The following MSH6 variants were observed in gnomAD, a reference collection of about 807,000 sequenced individuals.
The protein encoded by MSH6 is mutS homolog 6, also known as DNA mismatch repair protein Msh6.
In MSH6, 85 loss-of-function variants were observed where a neutral mutation model predicts 119.1. The ratio of observed to expected loss-of-function variants is 0.71; its 90% CI spans 0.60 to 0.85. MSH6 has a LOEUF of 0.85. MSH6 is among the 40% of genes least tolerant of loss of function. The probability of loss-of-function intolerance (pLI) is 0.00; values close to 1 mark genes in which losing one functional copy is unlikely to be tolerated. For missense variants in MSH6, 2,163 were observed against 1,655.3 expected (o/e 1.31, Z -5.32); for synonymous variants, 830 against 586.9 (o/e 1.41, Z -5.99).
rs763702846 is a variant in MSH6, at chr2:47,783,420, T to C, written c.187T>C (p.Ser63Pro). The part of the protein sequence containing the change: ...AGPGPRPLAR[S>P]ASPPKAKNLN... ...GCCTGGGCCCAGGCCCTTGGCGCGCTCCGCGTCACCGCCCAAGGCGAAGAA... is the reference window on the plus strand; with the variant it reads ...GCCTGGGCCCAGGCCCTTGGCGCGCCCCGCGTCACCGCCCAAGGCGAAGAA... Residue 63 changes from serine (S) to proline (P), a missense_variant, in exon 1 of 10, where the codon TCC (serine) becomes CCC (proline). Ser to Pro is a moderately conservative substitution (Grantham distance 74). Transcript: ENST00000234420. 52 of 1,510,744 alleles carry C rather than the reference T, an allele frequency of 3.4e-5. No individual in the cohort carries two copies. The African/African-American group carries it at 7.2e-4, about 21-fold the overall frequency. The allele number at this position is 1,510,744 out of a possible 1,614,324, so 93.6% of individuals were successfully genotyped here. A position where few individuals can be genotyped will look rare whatever the true frequency, so the allele number is the denominator to read the frequency against.
At chr2:47,796,129 G>C (rs1669075999) in intron 3 of MSH6, 66 bp downstream of exon 3, 1 of 1,516,870 alleles carries the variant, frequency 6.6e-7, no homozygotes, top group Non-Finnish European at 9.1e-7. Flanking sequence ...GGGGGAGGGT[G>C]TATTAACAAG....
chr2:47,783,469 C>T lies in MSH6; in HGVS notation c.236C>T (p.Ser79Leu), dbSNP rs1428717797. Residue 79 changes from serine to leucine, a missense_variant, in exon 1 of 10, where the codon TCG (serine) becomes TTG (leucine). Ser to Leu is a moderately radical substitution (Grantham distance 145, BLOSUM62 -2). Transcript: ENST00000234420. Reference sequence around the variant, plus strand: ...AACCTCAACGGAGGGCTGCGGAGATCGGTAGCGCCTGCTGCCCCCACCAGG... The same window carrying T: ...AACCTCAACGGAGGGCTGCGGAGATTGGTAGCGCCTGCTGCCCCCACCAGG... ...AKNLNGGLRR[S>L]VAPAAPTSCD... 1.4e-6 allele frequency: 2 copies of T among 1,446,292 alleles called. No homozygotes were observed. Among genetic ancestry groups the T allele is most frequent in the Middle Eastern group, 1.9e-4 (1 of 5,332 alleles). 89.6% of individuals were successfully genotyped at this position (1,446,292 alleles called of 1,614,324 possible). A position where few individuals can be genotyped will look rare whatever the true frequency, so the allele number is the denominator to read the frequency against.
At chr2:47,798,553 T>G in intron 3 of MSH6, 58 bp from the exon 4 acceptor site, 1 of 1,574,224 alleles carries the variant, frequency 6.4e-7, no homozygotes, top group Non-Finnish European at 8.6e-7. Flanking sequence ...TGAACTGTCT[T>G]ACATTATGGT....
chr2:47,800,598 T>A lies in MSH6; in HGVS notation c.2615T>A (p.Ile872Lys), dbSNP rs1064793342. 1 of 1,614,186 alleles carries A rather than the reference T, an allele frequency of 6.2e-7. No individual in the cohort carries two copies. Among genetic ancestry groups the A allele is most frequent in the Non-Finnish European group, 8.5e-7 (1 of 1,180,022 alleles). ...LEGFKVMCKI[I>K]GIMEEVADGF... ...GGATTCAAAGTAATGTGTAAAATTA[T>A]AGGGATCATGGAAGAAGTTGCTGAT... Residue 872 changes from isoleucine (I) to lysine (K), a missense_variant, in exon 4 of 10, where the codon ATA becomes AAA. Physicochemically the swap from Ile to Lys is moderately radical, Grantham distance 102. Coordinates refer to ENST00000234420, the MANE Select transcript of MSH6 (RefSeq NM_000179.3).
At chr2:47,791,812 G>A (rs998892714) in intron 2 of MSH6, among the ~76,000 whole-genome samples, 1 of 151,066 alleles carries the variant, frequency 6.6e-6, no homozygotes, top group African/African-American at 2.4e-5. Context: ...GAGTAGCTTG[G>A]GATTATAGGC....
downstream of MSH6, chr2:47,807,787 C>G (rs940974854): frequency 2.7e-5 from 7 of 261,742 alleles, no homozygotes; most frequent in Non-Finnish European, 5.2e-5. Flanking sequence ...TTGAAGATTA[C>G]TACTGCAAAT....
At chr2:47,809,149 C>A, downstream of MSH6, 1 of 1,491,070 alleles carries the variant, frequency 6.7e-7, no homozygotes, top group East Asian at 2.3e-5. Context: ...AAATATATTT[C>A]TAAGTTACCT....
At chr2:47,792,210 A>T (rs992321219) in intron 2 of MSH6, among the ~76,000 whole-genome samples, 5 of 152,154 alleles carry the variant, frequency 3.3e-5, no homozygotes, top group African/African-American at 1.2e-4. Context: ...GCTGGTCTCC[A>T]ACTTCTGACC....
rs1669070600 is a variant in MSH6, at chr2:47,796,075, C to A, written c.627+12C>A. 6.2e-7 allele frequency: 1 copy of A among 1,613,492 alleles called. No homozygotes were observed. The stretch of plus-strand genomic sequence containing the variant: ...AAGAAGAGATGGAGGTGGGACACGG[C>A]AAGCATTCAGTTGTTATTTATGTTA... On this transcript the variant is annotated intron_variant, in intron 3 of 9. Transcript: ENST00000234420.
chr2:47,802,692 T>G (rs891980939), intron 4 of MSH6, among the ~76,000 whole-genome samples: 3 of 150,740 alleles, frequency 2.0e-5, no homozygotes, highest in African/African-American at 7.3e-5. Flanking sequence ...TGTAACACAG[T>G]AACACAAAAC....
In MSH6 at chr2:47,798,657, T is replaced by TTG. The variant is rs2104290462; in HGVS notation, c.675_676dup (p.Glu226ValfsTer21). ...GATAAGAGTGAAGAAGATAATGAAA[T>TTG]TGAGAGTGAAGAGGAAGTACAGCCT... On this transcript the variant is annotated frameshift_variant, in exon 4 of 10. Coordinates refer to ENST00000234420, the MANE Select transcript of MSH6 (RefSeq NM_000179.3). LOFTEE classifies it high-confidence loss of function. 3 of 1,613,202 alleles carry TTG rather than the reference T, an allele frequency of 1.9e-6. No individual in the cohort carries two copies. Among genetic ancestry groups the TTG allele is most frequent in the Non-Finnish European group, 2.5e-6 (3 of 1,179,990 alleles).
rs556690583 is a variant in MSH6 at position 47,801,791 on chromosome 2, G to A, written c.3172+636G>A. On this transcript the variant is annotated intron_variant, in intron 4 of 9. Transcript: ENST00000234420. ...TAGCTAGGATTTACAGGTAAGCACCGGCGTGCCCTGCTTTATTTTTTTGGT... is the reference window on the plus strand; with the variant it reads ...TAGCTAGGATTTACAGGTAAGCACCAGCGTGCCCTGCTTTATTTTTTTGGT... 4.6e-5 allele frequency among the ~76,000 whole-genome samples: 7 copies of A among 152,076 alleles called. No individual in the cohort carries two copies. In the South Asian group the frequency reaches 6.2e-4, roughly 14 times the overall value.
Position 47,800,267 on chromosome 2 carries a change from G to A in MSH6, c.2284G>A (p.Val762Ile), listed in dbSNP as rs1669443766. Reference protein sequence around the residue: ...GSTEGTLLERVDTCHTPFGKR... With the variant: ...GSTEGTLLERIDTCHTPFGKR... ...TACTGAAGGAACCCTACTAGAGAGG[G>A]TTGATACTTGCCATACTCCTTTTGG... is the stretch of plus-strand genomic sequence containing the variant. The change falls in exon 4 of 10, where the codon GTT becomes ATT. Residue 762 changes from valine (V) to isoleucine (I), a missense_variant. Coordinates refer to ENST00000234420, the MANE Select transcript of MSH6 (RefSeq NM_000179.3). The A allele has an allele frequency of 6.2e-7, 1 of 1,614,112 alleles. No individual in the cohort carries two copies. The highest frequency in any genetic ancestry group is 8.5e-7 in the Non-Finnish European group (1 of 1,180,014).
At chr2:47,809,894 C>T, downstream of MSH6, 1 of 539,912 alleles carries the variant, frequency 1.9e-6, no homozygotes, top group Non-Finnish European at 3.3e-6. Flanking sequence ...TGACTATGGT[C>T]AAAACTGCAA....
At position 47,806,133 on chromosome 2, in the gene MSH6, A is replaced by ATTTTTGTTTTAATTCCT. The variant is rs267607687; in HGVS notation, c.3647-51_3647-35dup. On this transcript the variant is annotated intron_variant, in intron 7 of 9. Coordinates refer to ENST00000234420, the MANE Select transcript of MSH6 (RefSeq NM_000179.3). ...ACCGATGTTGCTTTTCTGTCCTAGCATTTTTGTTTTAATTCCTTTTTTGTT... is the reference window on the plus strand; with the variant it reads ...ACCGATGTTGCTTTTCTGTCCTAGCATTTTTGTTTTAATTCCTTTTTTGTTTTAATTCCTTTTTTGTT... The ATTTTTGTTTTAATTCCT allele has an allele frequency of 2.0e-4, 304 of 1,489,680 alleles. 1 individual carries two copies. The highest frequency in any genetic ancestry group is 1.2e-3 in the Admixed American group (68 of 57,864). 92.3% of individuals were successfully genotyped at this position (1,489,680 alleles called of 1,614,324 possible). A position where few individuals can be genotyped will look rare whatever the true frequency, so the allele number is the denominator to read the frequency against.
rs944922624 is a variant in MSH6 at position 47,803,812 on chromosome 2, A to G, written c.3438+127A>G. ...CAGTGACTTAATAGGAAGCAAAGGG[A>G]AATTACTCCCTGTGTTATAAAATTG... is the stretch of plus-strand genomic sequence containing the variant. On this transcript the variant is annotated intron_variant, in intron 5 of 9. Coordinates refer to ENST00000234420, the MANE Select transcript of MSH6 (RefSeq NM_000179.3). 9.2e-6 allele frequency: 9 copies of G among 982,044 alleles called. No homozygotes were observed. The Admixed American group carries it at 1.9e-4, about 21-fold the overall frequency. 60.8% of individuals were successfully genotyped at this position (982,044 alleles called of 1,614,324 possible). A position where few individuals can be genotyped will look rare whatever the true frequency, so the allele number is the denominator to read the frequency against.
chr2:47,805,792 G>A lies in MSH6; in HGVS notation c.3646+85G>A, dbSNP rs1669990016. The A allele has an allele frequency of 4.6e-6, 5 of 1,088,440 alleles. No individual in the cohort carries two copies. In the South Asian group the frequency reaches 6.3e-5, roughly 14 times the overall value. 67.4% of individuals were successfully genotyped at this position (1,088,440 alleles called of 1,614,324 possible). A position where few individuals can be genotyped will look rare whatever the true frequency, so the allele number is the denominator to read the frequency against. On this transcript the variant is annotated intron_variant, in intron 7 of 9. Transcript: ENST00000234420. ...CTATTTTTATAGAAGATTATCTGAA[G>A]TACATTTAAACAATATGAATGTTTT...
chr2:47,783,254 G>A lies in MSH6; in HGVS notation c.21G>A (p.Leu7=), dbSNP rs757815307. The change falls in exon 1 of 10, where the codon CTG becomes CTA. Residue 7 remains leucine (L), a synonymous_variant. Transcript: ENST00000234420. ...TCGGTATGTCGCGACAGAGCACCCT[G>A]TACAGCTTCTTCCCCAAGTCTCCGG... MSRQST[L]YSFFPKSPAL... The A allele has an allele frequency of 6.2e-7, 1 of 1,612,054 alleles. No individual in the cohort carries two copies.
At chr2:47,787,543 C>T (rs189829461) in intron 1 of MSH6, among the ~76,000 whole-genome samples, 145 of 152,206 alleles carry the variant, frequency 9.5e-4, no homozygotes, top group Admixed American at 1.9e-3. Flanking sequence ...CCAAGAATAC[C>T]GGACATTTAA....
Sources: allele counts gnomAD v4.1 joint callset (sites outside exome capture counted in the v4.1 genomes callset), GRCh38; gene constraint gnomAD v4.1.1; transcripts MANE v1.5; gene names NCBI Gene and HGNC (gene_info 2026-07-23, HGNC 2026-07-21).